The following PTPRK variants were observed in gnomAD, a reference collection of about 807,000 sequenced individuals.
PTPRK encodes the protein protein tyrosine phosphatase receptor type K, also known as receptor-type tyrosine-protein phosphatase kappa.
PTPRK carries 75 observed loss-of-function variants against 178.0 expected under a neutral mutation model. That is an observed-to-expected ratio of 0.42 (90% confidence interval 0.35 to 0.51). The LOEUF is 0.51. Among genes scored for constraint, PTPRK ranks in the 20% least tolerant of loss-of-function variants. PTPRK has a pLI of 0.02. For missense variants in PTPRK, 1,441 were observed against 1,797.8 expected (o/e 0.80, Z 3.59); for synonymous variants, 637 against 620.6 (o/e 1.03, Z -0.39).
rs139041204 is a variant in PTPRK, at chr6:128,425,363, C to T, written c.101-27675G>A. 3.0e-3 allele frequency among the ~76,000 whole-genome samples: 450 copies of T among 152,086 alleles called. 3 individuals are homozygous for T. Among genetic ancestry groups the T allele is most frequent in the African/African-American group, 0.01 (435 of 41,474 alleles). On this transcript the variant is annotated intron_variant, in intron 1 of 29. Transcript: ENST00000368226. ...AAGTGCTGGGATTACAGGGGTGAGC[C>T]GGTGTGCCTGGCCCCAATGTGTAGT... is the stretch of plus-strand genomic sequence containing the variant.
chr6:127,983,156 G>A (rs1775552301), intron 23 of PTPRK, 86 bp downstream of exon 23: 3 of 1,336,856 alleles, frequency 2.2e-6, no homozygotes, highest in African/African-American at 1.5e-5. Flanking sequence ...TTTCGGTTGA[G>A]TAGAGTATAT....
chr6:128,111,755 C>T (rs1384599970), intron 7 of PTPRK, among the ~76,000 whole-genome samples: 1 of 152,058 alleles, frequency 6.6e-6, no homozygotes, highest in Non-Finnish European at 1.5e-5. Flanking sequence ...GATTCCATAT[C>T]TTCTCCATGC....
At chr6:128,240,386 T>C (rs1469497033) in intron 4 of PTPRK, among the ~76,000 whole-genome samples, 1 of 152,140 alleles carries the variant, frequency 6.6e-6, no homozygotes, top group East Asian at 1.9e-4. Flanking sequence ...TGCTGGAGTA[T>C]TGTTCTCTAC....
intron 13 of PTPRK, among the ~76,000 whole-genome samples, chr6:128,011,559 AATATAATAT>A (rs1309780342): frequency 2.6e-5 from 4 of 151,160 alleles, no homozygotes; most frequent in African/African-American, 9.7e-5. Context: ...TATGGGTACA[AATATAATAT>A]ATATAATGTA....
chr6:128,419,992 A>C (rs994209433), intron 1 of PTPRK, among the ~76,000 whole-genome samples: 11 of 152,250 alleles, frequency 7.2e-5, no homozygotes, highest in African/African-American at 2.7e-4. Flanking sequence ...ATAGCTGTCT[A>C]GTACTAAAGC....
At chr6:128,246,152 GA>G (rs561985589) in intron 3 of PTPRK, among the ~76,000 whole-genome samples, 7 of 152,150 alleles carry the variant, frequency 4.6e-5, no homozygotes, top group Admixed American at 4.6e-4. Context: ...AGAAGTTACA[GA>G]AAAAAAGTTT....
chr6:128,099,253 GT>G (rs1440898758), intron 7 of PTPRK, among the ~76,000 whole-genome samples: 1 of 150,654 alleles, frequency 6.6e-6, no homozygotes, highest in Non-Finnish European at 1.5e-5. Flanking sequence ...AATAGTACAT[GT>G]TTTTCTCAAC....
At chr6:128,083,640 C>T in intron 9 of PTPRK, 75 bp downstream of exon 9, 2 of 768,984 alleles carry the variant, frequency 2.6e-6, no homozygotes, top group African/African-American at 1.8e-5. Context: ...TCCATATTTC[C>T]CTCTAACTTT....
At chr6:128,111,733 G>C (rs1562603786) in intron 7 of PTPRK, among the ~76,000 whole-genome samples, 1 of 151,886 alleles carries the variant, frequency 6.6e-6, no homozygotes, top group Non-Finnish European at 1.5e-5. Flanking sequence ...TGCTCTCCAG[G>C]ATTCTTTATT....
chr6:128,138,661 A>C (rs1795350446), intron 7 of PTPRK, among the ~76,000 whole-genome samples: 1 of 151,964 alleles, frequency 6.6e-6, no homozygotes, highest in African/African-American at 2.4e-5. Context: ...TTCCTATTTA[A>C]TTTGCTAATC....
At chr6:128,275,212 G>T (rs1417589503) in intron 3 of PTPRK, among the ~76,000 whole-genome samples, 1 of 151,944 alleles carries the variant, frequency 6.6e-6, no homozygotes, top group Non-Finnish European at 1.5e-5. Context: ...AAGCTTACAG[G>T]AAATGAGAGA....
chr6:128,511,960 T>A (rs1471573682), intron 1 of PTPRK, among the ~76,000 whole-genome samples: 1 of 152,182 alleles, frequency 6.6e-6, no homozygotes, highest in Non-Finnish European at 1.5e-5. Context: ...ATTGTTATTT[T>A]TGCAATTGCT....
At chr6:128,310,462 T>C (rs1032427538) in intron 3 of PTPRK, among the ~76,000 whole-genome samples, 4 of 151,894 alleles carry the variant, frequency 2.6e-5, no homozygotes, top group African/African-American at 7.3e-5. Context: ...AACAAAAAAC[T>C]CCGAACAAGG....
intron 1 of PTPRK, among the ~76,000 whole-genome samples, chr6:128,409,933 A>ATCAGCAGC (rs1167984330): frequency 6.6e-6 from 1 of 152,216 alleles, no homozygotes; most frequent in Non-Finnish European, 1.5e-5. Context: ...GTATGTCTTT[A>ATCAGCAGC]TCAGCAGCGT....
intron 13 of PTPRK, among the ~76,000 whole-genome samples, chr6:128,047,167 C>A (rs1340499777): frequency 1.3e-5 from 2 of 152,130 alleles, no homozygotes; most frequent in African/African-American, 4.8e-5. Context: ...TGGATAAAAT[C>A]TTGCATGTAC....
intron 5 of PTPRK, among the ~76,000 whole-genome samples, chr6:128,234,829 G>T (rs1562840678): frequency 6.6e-6 from 1 of 152,022 alleles, no homozygotes; most frequent in East Asian, 1.9e-4. Context: ...AATTTCTCTT[G>T]GGCAAATACT....
At chr6:128,112,961 C>T (rs1438941003) in intron 7 of PTPRK, among the ~76,000 whole-genome samples, 1 of 152,086 alleles carries the variant, frequency 6.6e-6, no homozygotes, top group Admixed American at 6.6e-5. Flanking sequence ...TACTCACTTA[C>T]TCAAACCTGA....
At chr6:128,314,345 C>A (rs1466318062) in intron 3 of PTPRK, among the ~76,000 whole-genome samples, 1 of 152,212 alleles carries the variant, frequency 6.6e-6, no homozygotes, top group African/African-American at 2.4e-5. Flanking sequence ...CACTGTCCAA[C>A]CCCAGCACCC....
chr6:128,452,282 T>C (rs114686068), intron 1 of PTPRK, among the ~76,000 whole-genome samples: 59 of 152,280 alleles, frequency 3.9e-4, no homozygotes, highest in Middle Eastern at 3.4e-3. Flanking sequence ...TAACTAAGCA[T>C]GGTCATCCGA....
Sources: allele counts gnomAD v4.1 joint callset (sites outside exome capture counted in the v4.1 genomes callset), GRCh38; gene constraint gnomAD v4.1.1; transcripts MANE v1.5; gene names NCBI Gene and HGNC (gene_info 2026-07-23, HGNC 2026-07-21).